Variants in CUBN observed in about 807,000 individuals in gnomAD.
The protein encoded by CUBN is cubilin.
CUBN carries 282 observed loss-of-function variants against 405.3 expected under a neutral mutation model. The observed-to-expected ratio is 0.70, with a 90% CI of 0.63 to 0.77. CUBN has a LOEUF of 0.77. CUBN is among the 30% of genes least tolerant of loss of function. The probability of loss-of-function intolerance (pLI) is 0.00; values close to 1 mark genes in which losing one functional copy is unlikely to be tolerated. For synonymous variants in CUBN, 1,684 were observed against 1,617.0 expected (o/e 1.04, Z -0.99); for missense variants, 4,514 against 4,475.2 (o/e 1.01, Z -0.25).
rs998388578 is a variant in CUBN at position 16,955,507 on chromosome 10, T to C, written c.4696-959A>G. Among the ~76,000 whole-genome samples the C allele has an allele frequency of 1.2e-4, 18 of 152,252 alleles. 5 individuals carry two copies. The highest frequency in any genetic ancestry group is 2.0e-4 in the Admixed American group (3 of 15,280). ...CAGGCATGTAATGAAATGGAATCTA[T>C]GTCACATATACCTGAAATCTCTGTA... On this transcript the variant is annotated intron_variant, in intron 31 of 66. Coordinates refer to ENST00000377833, the MANE Select transcript of CUBN (RefSeq NM_001081.4).
chr10:16,856,371 A>G (rs1839869196), intron 59 of CUBN, among the ~76,000 whole-genome samples: 1 of 152,180 alleles, frequency 6.6e-6, no homozygotes, highest in Non-Finnish European at 1.5e-5. Context: ...CTCACACAAA[A>G]GAGCCATTTC....
Position 16,984,384 on chromosome 10 carries a change from TA to T in CUBN, c.4351-106del. ...CCGGCTCCTTGGGTTCTATGATTAT[TA>T]GAGATTGAAATCTCAGCCTCCCTGG... On this transcript the variant is annotated intron_variant, in intron 29 of 66. Transcript: ENST00000377833. 4 of 1,169,578 alleles carry T rather than the reference TA, an allele frequency of 3.4e-6. No homozygotes were observed. The Admixed American group carries it at 8.0e-5, about 23-fold the overall frequency. 72.5% of individuals were successfully genotyped at this position (1,169,578 alleles called of 1,614,324 possible).
chr10:16,913,775 T>C, intron 48 of CUBN, 36 bp downstream of exon 48: 2 of 1,611,152 alleles, frequency 1.2e-6, no homozygotes, highest in African/African-American at 1.3e-5. Context: ...CTTTAAATGA[T>C]GGAATATAAC....
intron 60 of CUBN, among the ~76,000 whole-genome samples, chr10:16,849,784 A>G (rs1052685749): frequency 9.2e-5 from 14 of 152,258 alleles, no homozygotes; most frequent in African/African-American, 3.1e-4. Flanking sequence ...GAGCCCTCCC[A>G]GCCTCCTCTC....
intron 28 of CUBN, among the ~76,000 whole-genome samples, chr10:16,998,871 G>A (rs1246594081): frequency 1.3e-5 from 2 of 152,204 alleles, no homozygotes; most frequent in Non-Finnish European, 2.9e-5. Flanking sequence ...AAGAACCAGG[G>A]AGTTAAGTCA....
intron 64 of CUBN, among the ~76,000 whole-genome samples, chr10:16,834,624 C>T (rs1482926511): frequency 6.6e-6 from 1 of 152,218 alleles, no homozygotes. Flanking sequence ...CTTCATTTTA[C>T]AGAACCAGCA....
intron 56 of CUBN, among the ~76,000 whole-genome samples, chr10:16,882,703 A>G (rs1174943268): frequency 6.6e-6 from 1 of 152,150 alleles, no homozygotes; most frequent in Non-Finnish European, 1.5e-5. Context: ...AAGATCAAGT[A>G]TTTTCAGGAA....
intron 14 of CUBN, among the ~76,000 whole-genome samples, chr10:17,089,691 C>T (rs1836208718): frequency 6.6e-6 from 1 of 152,182 alleles, no homozygotes; most frequent in African/African-American, 2.4e-5. Flanking sequence ...ATAGCAATAC[C>T]TAGCAAAAAC....
Position 16,936,841 on chromosome 10 carries a change from C to T in CUBN, c.5926+751G>A, listed in dbSNP as rs115153230. Among the ~76,000 whole-genome samples the T allele has an allele frequency of 4.7e-3, 716 of 152,232 alleles. 8 individuals carry two copies. The highest frequency in any genetic ancestry group is 0.016 in the African/African-American group (685 of 41,548). The stretch of plus-strand genomic sequence containing the variant: ...AGGCAATTCTCATGTCTCAGCCTCC[C>T]GAGTAGCTGAGGCTACAGACGCGCT... On this transcript the variant is annotated intron_variant, in intron 39 of 66. Transcript: ENST00000377833.
At position 16,978,953 on chromosome 10, in the gene CUBN, C is replaced by T. The variant is rs113923145; in HGVS notation, c.4695+3531G>A. On this transcript the variant is annotated intron_variant, in intron 31 of 66. Transcript: ENST00000377833. ...TTTAGAAAACCCCATCGTCGCAGCC[C>T]AAAATCTTCTTAAGCTGAGACAGAG... Among the ~76,000 whole-genome samples the T allele has an allele frequency of 1.7e-3, 261 of 152,272 alleles. 1 individual carries two copies. Among genetic ancestry groups the T allele is most frequent in the African/African-American group, 5.8e-3 (241 of 41,542 alleles).
At chr10:16,964,827 A>G (rs990023955) in intron 31 of CUBN, among the ~76,000 whole-genome samples, 1 of 152,196 alleles carries the variant, frequency 6.6e-6, no homozygotes, top group African/African-American at 2.4e-5. Context: ...TCTCCAAAGC[A>G]TCTGTTCATT....
At chr10:16,834,150 C>A (rs1020820390) in intron 64 of CUBN, among the ~76,000 whole-genome samples, 2 of 152,092 alleles carry the variant, frequency 1.3e-5, no homozygotes, top group African/African-American at 4.8e-5. Context: ...GTTTTTCTGG[C>A]AAAACACAGG....
Position 17,112,781 on chromosome 10 carries a change from C to A in CUBN, c.883+1246G>T, listed in dbSNP as rs531476777. 1.1e-4 allele frequency among the ~76,000 whole-genome samples: 16 copies of A among 151,986 alleles called. No individual in the cohort carries two copies. The South Asian group carries it at 3.1e-3, about 30-fold the overall frequency. On this transcript the variant is annotated intron_variant, in intron 8 of 66. Transcript: ENST00000377833. ...GGGTTTCTTGGCGAGAAGAAACTTG[C>A]CAAGAAACTTGGGTTTCAATTCTGG...
chr10:17,046,072 G>A lies in CUBN; in HGVS notation c.3352C>T (p.Pro1118Ser). 6.2e-7 allele frequency: 1 copy of A among 1,613,660 alleles called. No individual in the cohort carries two copies. The highest frequency in any genetic ancestry group is 8.5e-7 in the Non-Finnish European group (1 of 1,179,728). ...GAGCCATAGAATATTCCCAGCAATGGTGATTTTTCATAGCCTCCATCTCTG... is the reference window on the plus strand; with the variant it reads ...GAGCCATAGAATATTCCCAGCAATGATGATTTTTCATAGCCTCCATCTCTG... ...EIRDGGYEKSPLLGIFYGSNL... is the reference protein window; with the variant it reads ...EIRDGGYEKSSLLGIFYGSNL... The change falls in exon 24 of 67, where the codon CCA becomes TCA. Residue 1118 changes from proline to serine, a missense_variant. Coordinates refer to ENST00000377833, the MANE Select transcript of CUBN (RefSeq NM_001081.4).
rs1328654000 is a variant in CUBN at position 16,925,710 on chromosome 10, G to C, written c.6336C>G (p.Tyr2112Ter). The C allele has an allele frequency of 1.2e-6, 2 of 1,613,916 alleles. No individual in the cohort carries two copies. Among genetic ancestry groups the C allele is most frequent in the Non-Finnish European group, 8.5e-7 (1 of 1,179,960 alleles). ...IITSPKYPET[Y>*]PSNLNCSWHV... ...GCCAAGAACAGTTGAGGTTGGATGG[G>C]TAAGTCTCTGGATACTTGGGGGACG... Residue 2112 changes from tyrosine (Y) to a stop codon, truncating the protein, a stop_gained, in exon 42 of 67, where the codon TAC becomes TAG. Transcript: ENST00000377833. LOFTEE classifies it high-confidence loss of function.
intron 29 of CUBN, among the ~76,000 whole-genome samples, chr10:16,987,622 C>T (rs1454631175): frequency 6.6e-6 from 1 of 152,104 alleles, no homozygotes; most frequent in Non-Finnish European, 1.5e-5. Flanking sequence ...GGCTGTAAGG[C>T]CCCACTTGAC....
chr10:17,030,518 C>A (rs1449419767), intron 27 of CUBN, among the ~76,000 whole-genome samples: 1 of 152,144 alleles, frequency 6.6e-6, no homozygotes, highest in Non-Finnish European at 1.5e-5. Flanking sequence ...TTTTAGAGTT[C>A]TGGAAACTGA....
intron 37 of CUBN, among the ~76,000 whole-genome samples, chr10:16,939,423 G>T (rs938514587): frequency 6.6e-6 from 1 of 152,170 alleles, no homozygotes; most frequent in Admixed American, 6.5e-5. Context: ...ACATGGGAAG[G>T]TGGGGTGAGC....
intron 22 of CUBN, among the ~76,000 whole-genome samples, chr10:17,060,396 C>G (rs1238351759): frequency 6.6e-6 from 1 of 152,192 alleles, no homozygotes; most frequent in East Asian, 1.9e-4. Context: ...GCTGGGATTA[C>G]AGGCATAAGC....
Sources: allele counts gnomAD v4.1 joint callset (sites outside exome capture counted in the v4.1 genomes callset), GRCh38; gene constraint gnomAD v4.1.1; transcripts MANE v1.5; gene names NCBI Gene and HGNC (gene_info 2026-07-23, HGNC 2026-07-21).